DMRT1: variants seen among roughly 807,000 people sequenced by gnomAD.
The protein encoded by DMRT1 is doublesex- and mab-3-related transcription factor 1.
DMRT1 carries 7 observed loss-of-function variants against 32.3 expected under a neutral mutation model. That is an observed-to-expected ratio of 0.22 (90% confidence interval 0.12 to 0.41). The LOEUF (loss-of-function observed/expected upper bound fraction) is 0.41, where lower values mean the gene tolerates loss of function less well. DMRT1 is among the 10% of genes least tolerant of loss of function. The probability of loss-of-function intolerance (pLI) is 1.00; values close to 1 mark genes in which losing one functional copy is unlikely to be tolerated. For synonymous variants in DMRT1, 278 were observed against 206.1 expected (o/e 1.35, Z -2.99); for missense variants, 625 against 500.5 (o/e 1.25, Z -2.37).
At chr9:958,287 A>T (rs1819662642) in intron 4 of DMRT1, among the ~76,000 whole-genome samples, 1 of 152,262 alleles carries the variant, frequency 6.6e-6, no homozygotes, top group Non-Finnish European at 1.5e-5. Context: ...TTTTCAAATT[A>T]TAAGCTGCAA....
At chr9:882,042 T>A (rs1251677432) in intron 2 of DMRT1, among the ~76,000 whole-genome samples, 1 of 152,176 alleles carries the variant, frequency 6.6e-6, no homozygotes, top group Non-Finnish European at 1.5e-5. Context: ...AATCTGACTC[T>A]CATTGTAGGA....
At chr9:863,485 T>C (rs915411446) in intron 2 of DMRT1, among the ~76,000 whole-genome samples, 5 of 152,006 alleles carry the variant, frequency 3.3e-5, no homozygotes, top group African/African-American at 1.2e-4. Flanking sequence ...AGCCAAAGAA[T>C]ATGGGAGGCC....
At chr9:850,921 C>G (rs113531001) in intron 2 of DMRT1, among the ~76,000 whole-genome samples, 2,638 of 151,022 alleles carry the variant, frequency 0.017, 86 homozygotes, top group African/African-American at 0.06. Flanking sequence ...CCCAGCTACT[C>G]GAGAGGCTGA....
chr9:940,844 A>T (rs1819041622), intron 4 of DMRT1, among the ~76,000 whole-genome samples: 1 of 152,220 alleles, frequency 6.6e-6, no homozygotes, highest in Non-Finnish European at 1.5e-5. Flanking sequence ...AAACTCAGCA[A>T]CAGCAAAACA....
intron 2 of DMRT1, among the ~76,000 whole-genome samples, chr9:864,883 A>G (rs78544680): frequency 0.016 from 2,352 of 150,496 alleles, 42 homozygotes; most frequent in Middle Eastern, 0.051. Context: ...CTTCGACTAA[A>G]CCATTTCATA....
chr9:888,817 A>G (rs1817031690), intron 2 of DMRT1, among the ~76,000 whole-genome samples: 1 of 152,054 alleles, frequency 6.6e-6, no homozygotes, highest in South Asian at 2.1e-4. Context: ...CGTGTGTCTC[A>G]ACAGTTTTAG....
intron 2 of DMRT1, among the ~76,000 whole-genome samples, chr9:863,964 C>T (rs992713727): frequency 3.9e-5 from 6 of 152,082 alleles, no homozygotes; most frequent in South Asian, 2.1e-4. Context: ...AAGTTTCCCC[C>T]GACTATTTGG....
At chr9:878,202 C>CCT (rs1474062672) in intron 2 of DMRT1, among the ~76,000 whole-genome samples, 4 of 94,904 alleles carry the variant, frequency 4.2e-5, no homozygotes, top group African/African-American at 1.6e-4. Context: ...CAGCTGCTGC[C>CCT]CCCCCCCCAC....
chr9:937,648 T>G (rs1187235836), intron 4 of DMRT1, among the ~76,000 whole-genome samples: 2 of 152,234 alleles, frequency 1.3e-5, no homozygotes, highest in African/African-American at 4.8e-5. Flanking sequence ...TGTATCGTCT[T>G]TGGAGAAATG....
At chr9:862,195 A>C (rs937442832) in intron 2 of DMRT1, among the ~76,000 whole-genome samples, 15 of 151,168 alleles carry the variant, frequency 9.9e-5, no homozygotes, top group Admixed American at 5.3e-4. Context: ...ACGCCACTGC[A>C]CTCCAGCCTG....
chr9:932,318 C>G (rs944274174), intron 4 of DMRT1, among the ~76,000 whole-genome samples: 1 of 152,162 alleles, frequency 6.6e-6, no homozygotes, highest in Non-Finnish European at 1.5e-5. Context: ...CTGGCAGATA[C>G]AGCAGAATTT....
chr9:847,218 G>T, intron 2 of DMRT1, 75 bp downstream of exon 2: 1 of 1,479,028 alleles, frequency 6.8e-7, no homozygotes, highest in Non-Finnish European at 9.3e-7. Flanking sequence ...ACAGAAGCAG[G>T]GCTCCCCTGA....
chr9:912,602 T>A (rs1818027290), intron 3 of DMRT1, among the ~76,000 whole-genome samples: 1 of 152,216 alleles, frequency 6.6e-6, no homozygotes, highest in South Asian at 2.1e-4. Context: ...AAAAAAAGAA[T>A]TTTACTGTTC....
chr9:874,939 C>T (rs1312645040), intron 2 of DMRT1, among the ~76,000 whole-genome samples: 2 of 150,756 alleles, frequency 1.3e-5, no homozygotes, highest in Non-Finnish European at 2.9e-5. Flanking sequence ...TCTTGAGTAG[C>T]TGGGACTACG....
At chr9:907,139 C>T (rs2129713365) in intron 3 of DMRT1, among the ~76,000 whole-genome samples, 1 of 152,312 alleles carries the variant, frequency 6.6e-6, no homozygotes, top group Non-Finnish European at 1.5e-5. Flanking sequence ...TCTTAAGAAG[C>T]ATTGTAGATG....
intron 2 of DMRT1, among the ~76,000 whole-genome samples, chr9:881,687 T>G (rs188571073): frequency 6.6e-6 from 1 of 152,346 alleles, no homozygotes; most frequent in Non-Finnish European, 1.5e-5. Context: ...AGTTCCTAAT[T>G]TAAAACATCC....
intron 2 of DMRT1, among the ~76,000 whole-genome samples, chr9:876,544 C>G (rs1301584068): frequency 6.9e-6 from 1 of 144,620 alleles, no homozygotes; most frequent in Non-Finnish European, 1.5e-5. Context: ...TTTTTTTAAT[C>G]TATTGAGACA....
chr9:916,321 A>G (rs1173077001), intron 3 of DMRT1, among the ~76,000 whole-genome samples: 1 of 152,056 alleles, frequency 6.6e-6, no homozygotes, highest in African/African-American at 2.4e-5. Flanking sequence ...TTGGAAGAGC[A>G]TATTCATGGC....
rs778498212 is a variant in DMRT1, at chr9:846,987, G to C, written c.382G>C (p.Glu128Gln). 3.1e-6 allele frequency: 5 copies of C among 1,614,168 alleles called. No homozygotes were observed. The highest frequency in any genetic ancestry group is 4.2e-6 in the Non-Finnish European group (5 of 1,180,042). ...GGCCCTGAGAAGGCAGCAGGCCCAGGAGGAGGAATTGGGTATCAGCCACCC... is the reference window on the plus strand; with the variant it reads ...GGCCCTGAGAAGGCAGCAGGCCCAGCAGGAGGAATTGGGTATCAGCCACCC... ...QVALRRQQAQ[E>Q]EELGISHPIP... The change falls in exon 2 of 5, where the codon GAG (glutamate) becomes CAG (glutamine). Residue 128 changes from glutamate to glutamine, a missense_variant. Glu to Gln is a conservative substitution (Grantham distance 29). Around this residue, in one of 3 missense-constraint regions of DMRT1, gnomAD observed 416 missense variants for 321.6 expected, o/e 1.29. Coordinates refer to ENST00000382276, the MANE Select transcript of DMRT1 (RefSeq NM_021951.3).
Sources: gnomAD v4.1 joint callset for allele counts (sites outside exome capture counted in the v4.1 genomes callset) on GRCh38, gnomAD v4.1.1 for gene constraint, gnomAD v4.1.1 regional missense constraint, MANE v1.5 for transcripts, NCBI Gene and HGNC (gene_info 2026-07-23, HGNC 2026-07-21) for gene names.